The following TLL2 variants were observed in gnomAD, a reference collection of about 807,000 sequenced individuals.
The protein encoded by TLL2 is tolloid like 2, also known as tolloid-like protein 2.
In TLL2, 106 loss-of-function variants were observed where a neutral mutation model predicts 123.0. The observed-to-expected ratio is 0.86, with a 90% CI of 0.74 to 1.01. TLL2 has a LOEUF of 1.01. TLL2 is among the 50% of genes least tolerant of loss of function. The pLI, the probability that TLL2 is intolerant of heterozygous loss-of-function variation, is 0.00. For synonymous variants in TLL2, 494 were observed against 516.8 expected (o/e 0.96, Z 0.60); for missense variants, 1,332 against 1,336.7 (o/e 1.00, Z 0.06).
chr10:96,409,698 G>C (rs1846482898), intron 9 of TLL2, among the ~76,000 whole-genome samples: 1 of 152,164 alleles, frequency 6.6e-6, no homozygotes, highest in Non-Finnish European at 1.5e-5. Context: ...AGGGGGTCAC[G>C]GAATCTTCAA....
chr10:96,432,676 G>GC, intron 4 of TLL2, 131 bp downstream of exon 4: 1 of 1,150,368 alleles, frequency 8.7e-7, no homozygotes, highest in Non-Finnish European at 1.2e-6. Context: ...CAAGAGGGGG[G>GC]CATCATCTGT....
chr10:96,375,979 A>T (rs1405673463), intron 18 of TLL2, among the ~76,000 whole-genome samples: 2 of 152,232 alleles, frequency 1.3e-5, no homozygotes, highest in African/African-American at 2.4e-5. Flanking sequence ...TTGAGAAATG[A>T]GACTCCTAGG....
chr10:96,463,030 T>A (rs1186411445), intron 2 of TLL2, among the ~76,000 whole-genome samples: 1 of 152,208 alleles, frequency 6.6e-6, no homozygotes, highest in Non-Finnish European at 1.5e-5. Flanking sequence ...CACATGTCTG[T>A]GAATAACCAA....
chr10:96,470,312 G>A (rs1038988795), intron 2 of TLL2, among the ~76,000 whole-genome samples: 7 of 152,328 alleles, frequency 4.6e-5, no homozygotes, highest in African/African-American at 9.6e-5. Flanking sequence ...ACAGCCTCAT[G>A]GGGGAGCAGG....
At chr10:96,389,281 C>T (rs1017701916) in intron 13 of TLL2, among the ~76,000 whole-genome samples, 4 of 152,154 alleles carry the variant, frequency 2.6e-5, no homozygotes, top group East Asian at 1.9e-4. Flanking sequence ...CGACTGAAAA[C>T]GATGCATGTG....
chr10:96,484,575 T>C (rs1296480655), intron 1 of TLL2, among the ~76,000 whole-genome samples: 1 of 138,824 alleles, frequency 7.2e-6, no homozygotes, highest in Non-Finnish European at 1.5e-5. Context: ...TTAAATGAGA[T>C]CATGTACACA....
chr10:96,429,040 T>C (rs1468170753), intron 4 of TLL2, among the ~76,000 whole-genome samples: 1 of 152,082 alleles, frequency 6.6e-6, no homozygotes, highest in Non-Finnish European at 1.5e-5. Context: ...TGACCTCAGG[T>C]GATCCGCCAG....
intron 2 of TLL2, among the ~76,000 whole-genome samples, chr10:96,447,139 G>C (rs1322851228): frequency 1.3e-5 from 2 of 152,164 alleles, no homozygotes; most frequent in East Asian, 3.8e-4. Context: ...TGGAGATCTG[G>C]CCAGAGGATC....
At chr10:96,473,088 GTAA>G (rs1158610069) in intron 2 of TLL2, among the ~76,000 whole-genome samples, 1 of 152,146 alleles carries the variant, frequency 6.6e-6, no homozygotes, top group East Asian at 1.9e-4. Context: ...CCAGGTGAGA[GTAA>G]TGTGTGCCAC....
At chr10:96,505,041 A>G (rs1283845422) in intron 1 of TLL2, among the ~76,000 whole-genome samples, 1 of 152,082 alleles carries the variant, frequency 6.6e-6, no homozygotes, top group East Asian at 1.9e-4. Flanking sequence ...AAATAAATAA[A>G]TAAATAAAAG....
chr10:96,476,936 G>A (rs1191978293), intron 2 of TLL2, among the ~76,000 whole-genome samples: 1 of 150,590 alleles, frequency 6.6e-6, no homozygotes, highest in Non-Finnish European at 1.5e-5. Context: ...CATTAAGTCT[G>A]GAAAGAATCC....
chr10:96,476,240 A>ATATATATATATATTTTTT, intron 2 of TLL2, among the ~76,000 whole-genome samples: 3 of 20,502 alleles, frequency 1.5e-4, no homozygotes, highest in Admixed American at 5.2e-4. Context: ...ATATATATAT[A>ATATATATATATATTTTTT]TTTTATTTTT....
chr10:96,390,339 A>G (rs1198159535), intron 13 of TLL2, among the ~76,000 whole-genome samples: 1 of 152,150 alleles, frequency 6.6e-6, no homozygotes, highest in Non-Finnish European at 1.5e-5. Flanking sequence ...GGATAGGGGG[A>G]TGGAGGGATC....
At chr10:96,379,801 A>C (rs1270077610) in intron 16 of TLL2, among the ~76,000 whole-genome samples, 1 of 152,230 alleles carries the variant, frequency 6.6e-6, no homozygotes, top group Non-Finnish European at 1.5e-5. Flanking sequence ...CAGCCTGGGC[A>C]ACAAGAGTGA....
At chr10:96,384,537 C>A in intron 16 of TLL2, 50 bp downstream of exon 16, 1 of 1,483,344 alleles carries the variant, frequency 6.7e-7, no homozygotes, top group Non-Finnish European at 9.0e-7. Context: ...CTGGAGTCTG[C>A]AAAGCCGCCT....
chr10:96,511,269 T>C (rs1287925646), intron 1 of TLL2, among the ~76,000 whole-genome samples: 2 of 152,280 alleles, frequency 1.3e-5, no homozygotes, highest in Non-Finnish European at 2.9e-5. Context: ...GTCCTTTCTC[T>C]GAGACTTCAG....
intron 2 of TLL2, among the ~76,000 whole-genome samples, chr10:96,473,488 C>G (rs1358744969): frequency 6.6e-6 from 1 of 152,096 alleles, no homozygotes; most frequent in Non-Finnish European, 1.5e-5. Flanking sequence ...AGAGACAGGG[C>G]CCAGAGAGGG....
rs755788634 is a variant in TLL2 at position 96,432,807 on chromosome 10, C to T, written c.520G>A (p.Gly174Arg). 1 of 1,613,422 alleles carries T rather than the reference C, an allele frequency of 6.2e-7. No individual in the cohort carries two copies. Among genetic ancestry groups the T allele is most frequent in the Non-Finnish European group, 8.5e-7 (1 of 1,179,556 alleles). The stretch of plus-strand genomic sequence containing the variant: ...GCAGACCTTGTCTGTGGCTACTGAC[C>T]AGTGAAGTTCCCTCCAATGACGTAG... Reference protein sequence around the residue: ...IPYVIGGNFTGSQRAIFKQAM... With the variant: ...IPYVIGGNFTRSQRAIFKQAM... The change falls in exon 4 of 21, where the codon GGG becomes AGG. Residue 174 changes from glycine to arginine, a missense_variant and splice_region_variant. Coordinates refer to ENST00000357947, the MANE Select transcript of TLL2 (RefSeq NM_012465.4).
At chr10:96,476,877 C>CACACACACAG (rs147022259) in intron 2 of TLL2, among the ~76,000 whole-genome samples, 21,929 of 149,486 alleles carry the variant, frequency 0.15, 1,939 homozygotes, top group East Asian at 0.4. Context: ...CACACACACA[C>CACACACACAG]ACACACACAC....
Sources: gnomAD v4.1 joint callset for allele counts (sites outside exome capture counted in the v4.1 genomes callset) on GRCh38, gnomAD v4.1.1 for gene constraint, MANE v1.5 for transcripts, NCBI Gene and HGNC (gene_info 2026-07-23, HGNC 2026-07-21) for gene names.